TMEM135: variants seen among roughly 807,000 people sequenced by gnomAD.
TMEM135 encodes peroxisomal membrane protein 52.
In TMEM135, 30 loss-of-function variants were observed where a neutral mutation model predicts 60.3. That is an observed-to-expected ratio of 0.50 (90% CI 0.37 to 0.68). The LOEUF is 0.68. TMEM135 is among the 30% of genes least tolerant of loss of function. The pLI is 0.00. For missense variants in TMEM135, 468 were observed against 548.8 expected (o/e 0.85, Z 1.47); for synonymous variants, 190 against 186.7 (o/e 1.02, Z -0.14).
chr11:87,305,796 T>TAAAGAAAGAAAGAAAGAAAG (rs1418446587), intron 8 of TMEM135, 140 bp from the exon 9 acceptor site: 25 of 368,120 alleles, frequency 6.8e-5, no homozygotes, highest in African/African-American at 5.6e-4. Context: ...AATAAATAAA[T>TAAAGAAAGAAAGAAAGAAAG]AAATAAATAA....
intron 2 of TMEM135, 75 bp from the exon 3 acceptor site, chr11:87,071,448 A>G (rs1161508925): frequency 1.6e-5 from 18 of 1,110,732 alleles, no homozygotes; most frequent in Non-Finnish European, 1.8e-5. Flanking sequence ...TGGATGGAGA[A>G]GGGAAACTTC....
chr11:87,090,386 C>T (rs1318717071), intron 3 of TMEM135, among the ~76,000 whole-genome samples: 1 of 152,018 alleles, frequency 6.6e-6, no homozygotes, highest in Non-Finnish European at 1.5e-5. Flanking sequence ...TATTAAAAAT[C>T]TTACTAAACC....
chr11:87,319,413 A>AAATAGTCATATTGT lies in TMEM135; in HGVS notation c.1244+36_1244+37insAATAGTCATATTGT, dbSNP rs754888176. On this transcript the variant is annotated intron_variant, in intron 14 of 14. Coordinates refer to ENST00000305494, the MANE Select transcript of TMEM135 (RefSeq NM_022918.4). ...ACGTAGTTTTCTTAAAAATATTATG[A>AAATAGTCATATTGT]GTGGTTTTATCTTTTTGAGGGAATA... The AAATAGTCATATTGT allele has an allele frequency of 6.2e-6, 9 of 1,456,086 alleles. No individual in the cohort carries two copies. The African/African-American group carries it at 1.3e-4, about 20-fold the overall frequency. The allele number at this position is 1,456,086 out of a possible 1,614,324, so 90.2% of individuals were successfully genotyped here.
At chr11:87,122,443 A>G (rs973999798) in intron 4 of TMEM135, among the ~76,000 whole-genome samples, 1 of 145,448 alleles carries the variant, frequency 6.9e-6, no homozygotes, top group Non-Finnish European at 1.5e-5. Flanking sequence ...TTTTATATTT[A>G]TTTATTTATT....
rs1266890052 is a variant in TMEM135, at chr11:87,326,225, G to A, written c.*4892G>A. On this transcript the variant is annotated 3_prime_UTR_variant, in exon 15 of 15. Transcript: ENST00000305494. ...CCCTGGTCTTGGCATAGAGGCCATAGGCATACAACATGCTTTATCTGCCTT... is the reference window on the plus strand; with the variant it reads ...CCCTGGTCTTGGCATAGAGGCCATAAGCATACAACATGCTTTATCTGCCTT... 3 of 453,766 alleles carry A rather than the reference G, an allele frequency of 6.6e-6. No homozygotes were observed. Among genetic ancestry groups the A allele is most frequent in the Non-Finnish European group, 1.3e-5 (3 of 226,764 alleles). 28.1% of individuals were successfully genotyped at this position (453,766 alleles called of 1,614,324 possible).
chr11:87,157,506 T>A, intron 5 of TMEM135, 100 bp downstream of exon 5: 1 of 1,029,976 alleles, frequency 9.7e-7, no homozygotes, highest in Non-Finnish European at 1.5e-6. Context: ...GTCTAAGAAA[T>A]AGAGAGATAT....
At chr11:87,280,635 C>G (rs1942044419) in intron 6 of TMEM135, among the ~76,000 whole-genome samples, 1 of 152,180 alleles carries the variant, frequency 6.6e-6, no homozygotes, top group Non-Finnish European at 1.5e-5. Flanking sequence ...TCCTAAAGCA[C>G]TGTGTACTTT....
chr11:87,186,263 A>G (rs914702338), intron 5 of TMEM135, among the ~76,000 whole-genome samples: 5 of 152,144 alleles, frequency 3.3e-5, no homozygotes, highest in Non-Finnish European at 5.9e-5. Flanking sequence ...AACCTCTACA[A>G]GTTGCCTTCT....
Position 87,315,679 on chromosome 11 carries a change from T to C in TMEM135, c.1077+1132T>C, listed in dbSNP as rs143254769. Reference sequence around the variant, plus strand: ...TAAATGCATTTTTCCTTTTCAACTATTTGGTTACTCTGAAATACGTTGTTC... The same window carrying C: ...TAAATGCATTTTTCCTTTTCAACTACTTGGTTACTCTGAAATACGTTGTTC... On this transcript the variant is annotated intron_variant, in intron 12 of 14. Transcript: ENST00000305494. 6.0e-3 allele frequency among the ~76,000 whole-genome samples: 920 copies of C among 152,100 alleles called. 9 individuals carry two copies. The highest frequency in any genetic ancestry group is 0.021 in the African/African-American group (870 of 41,548).
intron 1 of TMEM135, among the ~76,000 whole-genome samples, chr11:87,063,082 C>A (rs550291388): frequency 6.2e-4 from 94 of 152,116 alleles, no homozygotes; most frequent in African/African-American, 2.2e-3. Context: ...GGAACGTATC[C>A]AAAAGTGAAA....
At chr11:87,138,659 T>C (rs1938177496) in intron 4 of TMEM135, among the ~76,000 whole-genome samples, 1 of 152,192 alleles carries the variant, frequency 6.6e-6, no homozygotes, top group Non-Finnish European at 1.5e-5. Flanking sequence ...CTAGTGAGAA[T>C]TGTAAATGAA....
chr11:87,224,012 A>G (rs1940711832), intron 5 of TMEM135, among the ~76,000 whole-genome samples: 1 of 152,228 alleles, frequency 6.6e-6, no homozygotes, highest in Non-Finnish European at 1.5e-5. Context: ...AATTAAGGAA[A>G]GATTTTCTCA....
chr11:87,123,145 T>C (rs1937630019), intron 4 of TMEM135, among the ~76,000 whole-genome samples: 1 of 152,226 alleles, frequency 6.6e-6, no homozygotes, highest in Non-Finnish European at 1.5e-5. Flanking sequence ...TAAAACTGTT[T>C]ATGTTAGTCT....
At chr11:87,055,179 A>T (rs565748982) in intron 1 of TMEM135, among the ~76,000 whole-genome samples, 3 of 152,344 alleles carry the variant, frequency 2.0e-5, no homozygotes, top group Middle Eastern at 3.4e-3. Flanking sequence ...AGGAAGTGAC[A>T]TGGTGATTAT....
intron 5 of TMEM135, among the ~76,000 whole-genome samples, chr11:87,183,401 C>T (rs1356571994): frequency 6.6e-6 from 1 of 151,300 alleles, no homozygotes; most frequent in Non-Finnish European, 1.5e-5. Flanking sequence ...TCAGCCTCCC[C>T]AAGTGTGGGG....
chr11:87,138,069 A>G, intron 4 of TMEM135, among the ~76,000 whole-genome samples: 1 of 150,812 alleles, frequency 6.6e-6, no homozygotes, highest in Non-Finnish European at 1.5e-5. Flanking sequence ...TATGATGTTT[A>G]AAAAGACCAA....
At chr11:87,129,442 C>T (rs1350778920) in intron 4 of TMEM135, among the ~76,000 whole-genome samples, 3 of 151,818 alleles carry the variant, frequency 2.0e-5, no homozygotes, top group South Asian at 2.1e-4. Context: ...GTGGTTTCGC[C>T]ATATTGGCCA....
chr11:87,320,285 A>G (rs12790362), intron 14 of TMEM135, among the ~76,000 whole-genome samples: 43,238 of 152,044 alleles, frequency 0.28, 7,169 homozygotes, highest in Middle Eastern at 0.39. Context: ...CAGTTAGTAA[A>G]TGAAGGAGCT....
chr11:87,101,686 T>G (rs1487638606), intron 4 of TMEM135, among the ~76,000 whole-genome samples: 1 of 152,104 alleles, frequency 6.6e-6, no homozygotes, highest in African/African-American at 2.4e-5. Flanking sequence ...TTGAAAATGG[T>G]GATTCAGCCT....
Sources: gnomAD v4.1 joint callset for allele counts (sites outside exome capture counted in the v4.1 genomes callset) on GRCh38, gnomAD v4.1.1 for gene constraint, MANE v1.5 for transcripts, NCBI Gene and HGNC (gene_info 2026-07-23, HGNC 2026-07-21) for gene names.